Variants in TRIM37 observed in about 807,000 individuals in gnomAD.
The protein encoded by TRIM37 is E3 ubiquitin-protein ligase TRIM37.
A neutral mutation model predicts 129.8 loss-of-function variants in TRIM37; 80 were observed. That is an observed-to-expected ratio of 0.62 (90% CI 0.51 to 0.74). The LOEUF is 0.74. Ranked by LOEUF, TRIM37 falls within the 30% of genes least tolerant of loss-of-function variation. TRIM37 has a pLI of 0.00. For synonymous variants in TRIM37, 389 were observed against 387.1 expected (o/e 1.00, Z -0.06); for missense variants, 1,054 against 1,176.5 (o/e 0.90, Z 1.52).
intron 3 of TRIM37, among the ~76,000 whole-genome samples, chr17:59,090,544 G>A (rs1238702151): frequency 6.6e-6 from 1 of 152,080 alleles, no homozygotes; most frequent in Non-Finnish European, 1.5e-5. Context: ...ATCAGAATCA[G>A]AAGGCTTTTT....
At chr17:59,092,519 A>T (rs2147339435) in intron 2 of TRIM37, among the ~76,000 whole-genome samples, 1 of 152,206 alleles carries the variant, frequency 6.6e-6, no homozygotes, top group Middle Eastern at 3.4e-3. Flanking sequence ...TAAACCAAAA[A>T]TTATATTAAT....
chr17:59,102,299 G>C (rs1160057330), intron 2 of TRIM37, among the ~76,000 whole-genome samples: 1 of 152,100 alleles, frequency 6.6e-6, no homozygotes, highest in Non-Finnish European at 1.5e-5. Context: ...ATGTAACAAT[G>C]AAAAAATACA....
rs1422059537 is a variant in TRIM37, at chr17:59,049,342, G to A, written c.1366C>T (p.Pro456Ser). The stretch of plus-strand genomic sequence containing the variant: ...TTTTGGGGGCTAAGATGGTTATCTG[G>A]TGGTGACAAATCTCTTGACTTCTGA... ...RTQKSRDLSP[P>S]DNHLSPQNDD... The change falls in exon 15 of 24, where the codon CCA becomes TCA. Residue 456 changes from proline to serine, a missense_variant. By Grantham distance (74) the Pro-to-Ser change is moderately conservative. This residue lies in a region of TRIM37 where 752 missense variants were observed against 870.8 expected (regional missense o/e 0.86). Transcript: ENST00000262294. 6.2e-7 allele frequency: 1 copy of A among 1,614,082 alleles called. No homozygotes were observed. Among genetic ancestry groups the A allele is most frequent in the East Asian group, 2.2e-5 (1 of 44,868 alleles).
intron 22 of TRIM37, among the ~76,000 whole-genome samples, chr17:59,009,782 A>T (rs544547079): frequency 6.6e-6 from 1 of 152,230 alleles, no homozygotes; most frequent in Admixed American, 6.6e-5. Context: ...ACTTTGGGTA[A>T]GGTAAATTAC....
intron 23 of TRIM37, 143 bp from the exon 24 acceptor site, chr17:58,999,602 C>T: frequency 4.1e-6 from 3 of 730,058 alleles, no homozygotes; most frequent in Non-Finnish European, 6.4e-6. Flanking sequence ...AAATCTCTGT[C>T]TTCAGAGAAT....
intron 24 of TRIM37, among the ~76,000 whole-genome samples, chr17:58,988,853 G>T (rs1480969507): frequency 6.6e-6 from 1 of 152,102 alleles, no homozygotes; most frequent in Non-Finnish European, 1.5e-5. Flanking sequence ...CTTGAACCAA[G>T]CACAACTCCT....
chr17:59,000,773 A>C (rs2033618903), intron 23 of TRIM37, among the ~76,000 whole-genome samples: 1 of 152,212 alleles, frequency 6.6e-6, no homozygotes, highest in Non-Finnish European at 1.5e-5. Context: ...AAAAGGTTAA[A>C]GTTATCTTAC....
chr17:58,974,931 A>G, the TRIM37 span, among the ~76,000 whole-genome samples: 1 of 152,196 alleles, frequency 6.6e-6, no homozygotes, highest in East Asian at 1.9e-4. Context: ...TTGACCTTAG[A>G]CTGGAGGGAA....
Position 59,057,059 on chromosome 17 carries a change from A to C in TRIM37, c.1020-5T>G. ...ATCTCTACACGATATTCATATCTAA[A>C]ATTGAAAAACAGACCATTACTATAC... On this transcript the variant is annotated splice_region_variant and splice_polypyrimidine_tract_variant and intron_variant, in intron 12 of 23. Coordinates refer to ENST00000262294, the MANE Select transcript of TRIM37 (RefSeq NM_015294.6). 6.2e-7 allele frequency: 1 copy of C among 1,613,384 alleles called. No individual in the cohort carries two copies. Among genetic ancestry groups the C allele is most frequent in the South Asian group, 1.1e-5 (1 of 91,076 alleles).
chr17:58,995,753 G>C (rs1028769955), downstream of TRIM37, among the ~76,000 whole-genome samples: 2 of 152,104 alleles, frequency 1.3e-5, no homozygotes, highest in African/African-American at 4.8e-5. Context: ...GTTTTGGCTG[G>C]GCGCAGTGGC....
chr17:59,073,419 G>A (rs1254184005), intron 8 of TRIM37, among the ~76,000 whole-genome samples: 5 of 151,860 alleles, frequency 3.3e-5, no homozygotes, highest in African/African-American at 7.3e-5. Context: ...TTAGCCTCCC[G>A]AGTGGCTGGG....
intron 7 of TRIM37, among the ~76,000 whole-genome samples, chr17:59,077,536 G>C (rs1400485244): frequency 1.3e-5 from 2 of 152,090 alleles, no homozygotes; most frequent in Non-Finnish European, 2.9e-5. Context: ...CAGAGGCCGG[G>C]GGTGGTGGCT....
intron 17 of TRIM37, among the ~76,000 whole-genome samples, chr17:59,036,481 T>TGTGTGC (rs919547648): frequency 2.0e-5 from 3 of 149,750 alleles, no homozygotes; most frequent in African/African-American, 7.4e-5. Context: ...TGTGTGTGTG[T>TGTGTGC]GTGCACGCGT....
intron 13 of TRIM37, among the ~76,000 whole-genome samples, chr17:59,055,685 CAAAAAAAAAA>C (rs934273591): frequency 4.2e-5 from 1 of 23,854 alleles, no homozygotes; most frequent in Non-Finnish European, 9.1e-5. Flanking sequence ...GACTCCATCT[CAAAAAAAAAA>C]AAAAAAAAAA....
At chr17:59,006,207 C>T (rs2034462469) in intron 22 of TRIM37, among the ~76,000 whole-genome samples, 1 of 152,084 alleles carries the variant, frequency 6.6e-6, no homozygotes, top group Non-Finnish European at 1.5e-5. Flanking sequence ...AAGTTTCCTA[C>T]CTTTGTGAAT....
intron 22 of TRIM37, among the ~76,000 whole-genome samples, chr17:59,008,637 T>A (rs1257149969): frequency 6.6e-6 from 1 of 152,202 alleles, no homozygotes; most frequent in African/African-American, 2.4e-5. Context: ...TGGTGGCTCA[T>A]GTCTGTAACC....
At chr17:59,089,000 G>A (rs1205966348) in intron 3 of TRIM37, among the ~76,000 whole-genome samples, 4 of 152,154 alleles carry the variant, frequency 2.6e-5, no homozygotes, top group African/African-American at 7.2e-5. Flanking sequence ...AGTGGCTCGC[G>A]CCTGTAATCC....
At chr17:59,035,136 C>A (rs549144234) in intron 17 of TRIM37, among the ~76,000 whole-genome samples, 1 of 151,888 alleles carries the variant, frequency 6.6e-6, no homozygotes, top group African/African-American at 2.4e-5. Context: ...CTTGGCTCAC[C>A]GCAACTTCCA....
In TRIM37 at chr17:59,028,454, G is replaced by A; in HGVS notation, c.2218C>T (p.Leu740=). The A allele has an allele frequency of 6.2e-7, 1 of 1,613,890 alleles. No individual in the cohort carries two copies. The highest frequency in any genetic ancestry group is 1.1e-5 in the South Asian group (1 of 91,084). ...CAATTGGCAACTGATGACTTTGCCA[G>A]GAGTTCCATTCCCAAATCCTGCAAT... ...GRLQDLGMEL[L]AKSSVANCYI... The change falls in exon 19 of 24, where the codon CTG becomes TTG. Residue 740 remains leucine (L), a synonymous_variant. Transcript: ENST00000262294.
Sources: allele counts gnomAD v4.1 joint callset (sites outside exome capture counted in the v4.1 genomes callset), GRCh38; gene constraint gnomAD v4.1.1; regional missense constraint gnomAD v4.1.1; transcripts MANE v1.5; gene names NCBI Gene and HGNC (gene_info 2026-07-23, HGNC 2026-07-21).